Variants in CERKL observed in about 807,000 individuals in gnomAD.
CERKL encodes the protein ceramide kinase-like protein.
A neutral mutation model predicts 63.4 loss-of-function variants in CERKL; 61 were observed. That is an observed-to-expected ratio of 0.96 (90% CI 0.78 to 1.19). The LOEUF is 1.19. Among genes scored for constraint, CERKL ranks in the 50% most tolerant of loss-of-function variants. The pLI is 0.00. For missense variants in CERKL, 675 were observed against 655.5 expected, an observed-to-expected ratio of 1.03 and a Z score of -0.33; for synonymous variants, 250 against 230.5, an observed-to-expected ratio of 1.08 and a Z score of -0.77.
At chr2:181,650,516 T>G (rs1380386590) in intron 1 of CERKL, among the ~76,000 whole-genome samples, 2 of 152,172 alleles carry the variant, frequency 1.3e-5, no homozygotes, top group African/African-American at 4.8e-5. Flanking sequence ...CCCAGCACTT[T>G]GGGAGGCCAC....
At chr2:181,613,767 TCA>T (rs1686073448) in intron 1 of CERKL, among the ~76,000 whole-genome samples, 1 of 152,212 alleles carries the variant, frequency 6.6e-6, no homozygotes. Context: ...TGTCAATATC[TCA>T]CATAGAAAAT....
chr2:181,586,852 T>C (rs976627489), intron 2 of CERKL, among the ~76,000 whole-genome samples: 2 of 152,192 alleles, frequency 1.3e-5, no homozygotes, highest in African/African-American at 2.4e-5. Flanking sequence ...GAGTGCAGCA[T>C]GATGGAAATG....
intron 1 of CERKL, among the ~76,000 whole-genome samples, chr2:181,626,590 C>G (rs538889320): frequency 9.2e-5 from 14 of 152,130 alleles, no homozygotes; most frequent in Non-Finnish European, 1.6e-4. Context: ...GACCAAGAAG[C>G]CAAACCTCTA....
At position 181,537,190 on chromosome 2, in the gene CERKL, G is replaced by T. The variant is rs1054747998; in HGVS notation, c.*994C>A. The T allele has an allele frequency of 1.3e-5, 6 of 453,170 alleles. No homozygotes were observed. Among genetic ancestry groups the T allele is most frequent in the African/African-American group, 1.2e-4 (6 of 49,956 alleles). 28.1% of individuals were successfully genotyped at this position (453,170 alleles called of 1,614,324 possible). On this transcript the variant is annotated 3_prime_UTR_variant, in exon 13 of 13. Transcript: ENST00000410087. ...CAGGAGAACATCTAGGATCATAGAT[G>T]AAAAATCAAGCCCCGATTTAGAACT...
intron 1 of CERKL, among the ~76,000 whole-genome samples, chr2:181,652,305 C>G (rs4666793): frequency 2.0e-5 from 3 of 151,952 alleles, no homozygotes; most frequent in Non-Finnish European, 2.9e-5. Flanking sequence ...CAGACAGACC[C>G]ATGAAATAAA....
At chr2:181,578,221 T>TATATATATACACACATATATAC (rs1684338897) in intron 2 of CERKL, among the ~76,000 whole-genome samples, 1 of 151,472 alleles carries the variant, frequency 6.6e-6, no homozygotes, top group Non-Finnish European at 1.5e-5. Context: ...CACATATATA[T>TATATATATACACACATATATAC]ACACACACAC....
At chr2:181,548,426 T>C in intron 8 of CERKL, 119 bp downstream of exon 8, 1 of 791,026 alleles carries the variant, frequency 1.3e-6, no homozygotes, top group Non-Finnish European at 2.1e-6. Flanking sequence ...TGTGATTCTA[T>C]ATTCTTTACT....
At chr2:181,638,984 AG>A (rs1246920910) in intron 1 of CERKL, among the ~76,000 whole-genome samples, 3 of 152,094 alleles carry the variant, frequency 2.0e-5, no homozygotes, top group African/African-American at 7.3e-5. Context: ...ATAAATTGAA[AG>A]GAAAAAAAAG....
At chr2:181,630,789 CCTTGA>C (rs1469935823) in intron 1 of CERKL, among the ~76,000 whole-genome samples, 2 of 152,114 alleles carry the variant, frequency 1.3e-5, no homozygotes, top group Non-Finnish European at 2.9e-5. Context: ...TACTATCCTG[CCTTGA>C]CTTATCTTCA....
At chr2:181,547,921 A>G in intron 8 of CERKL, 74 bp from the exon 9 acceptor site, 1 of 1,405,488 alleles carries the variant, frequency 7.1e-7, no homozygotes, top group Non-Finnish European at 1.0e-6. Context: ...ACACAAATCT[A>G]TTAAATATGA....
intron 1 of CERKL, among the ~76,000 whole-genome samples, chr2:181,620,974 T>C (rs1686423716): frequency 6.6e-6 from 1 of 152,226 alleles, no homozygotes; most frequent in African/African-American, 2.4e-5. Flanking sequence ...TAGCTTATAA[T>C]TGGTTTGATT....
chr2:181,595,550 T>C (rs2105882520), intron 2 of CERKL, among the ~76,000 whole-genome samples: 2 of 152,272 alleles, frequency 1.3e-5, no homozygotes, highest in Admixed American at 1.3e-4. Flanking sequence ...TTAATAGGTA[T>C]TGTAGAGTAA....
chr2:181,610,141 A>G (rs1018105597), intron 1 of CERKL, among the ~76,000 whole-genome samples: 8 of 152,230 alleles, frequency 5.3e-5, no homozygotes, highest in African/African-American at 1.9e-4. Flanking sequence ...TGACAGTTAC[A>G]TAATCTATTT....
At chr2:181,555,667 A>C (rs1559075359) in intron 5 of CERKL, among the ~76,000 whole-genome samples, 1 of 152,082 alleles carries the variant, frequency 6.6e-6, no homozygotes, top group Non-Finnish European at 1.5e-5. Context: ...ATCATAGGGA[A>C]AAATATTTTG....
chr2:181,615,661 TA>T (rs1686160010), intron 1 of CERKL, among the ~76,000 whole-genome samples: 1 of 152,206 alleles, frequency 6.6e-6, no homozygotes, highest in South Asian at 2.1e-4. Context: ...ATCCCCTAAT[TA>T]AAAATACAAA....
intron 2 of CERKL, 39 bp from the exon 3 acceptor site, chr2:181,573,923 G>A: frequency 6.3e-7 from 1 of 1,599,392 alleles, no homozygotes; most frequent in Non-Finnish European, 8.5e-7. Context: ...TAAAGTCCTT[G>A]TCATCATTTT....
chr2:181,595,472 A>G (rs1245159738), intron 2 of CERKL, among the ~76,000 whole-genome samples: 1 of 152,218 alleles, frequency 6.6e-6, no homozygotes, highest in Non-Finnish European at 1.5e-5. Context: ...TAGCAGGTGT[A>G]TGAAGTCCTT....
intron 2 of CERKL, among the ~76,000 whole-genome samples, chr2:181,599,120 A>G (rs1421039993): frequency 6.6e-6 from 1 of 152,238 alleles, no homozygotes; most frequent in African/African-American, 2.4e-5. Flanking sequence ...AGAGAAATTT[A>G]AAATCCATTT....
intron 4 of CERKL, chr2:181,565,407 A>G: frequency 1.3e-6 from 2 of 1,565,380 alleles, no homozygotes; most frequent in South Asian, 1.1e-5. Flanking sequence ...ATTTTAAAAA[A>G]TGGCAATGAA....
Sources: allele counts gnomAD v4.1 joint callset (sites outside exome capture counted in the v4.1 genomes callset), GRCh38; gene constraint gnomAD v4.1.1; transcripts MANE v1.5; gene names NCBI Gene and HGNC (gene_info 2026-07-23, HGNC 2026-07-21).